PCDH9: variants seen among roughly 807,000 people sequenced by gnomAD.
The protein encoded by PCDH9 is protocadherin 9, also known as protocadherin-9.
In PCDH9, 24 loss-of-function variants were observed where a neutral mutation model predicts 70.6. That is an observed-to-expected ratio of 0.34 (90% confidence interval 0.25 to 0.48). The LOEUF (loss-of-function observed/expected upper bound fraction) is 0.48. PCDH9 is among the 20% of genes least tolerant of loss of function. The pLI, the probability that PCDH9 is intolerant of heterozygous loss-of-function variation, is 0.99. For missense variants in PCDH9, 1,281 were observed against 1,503.6 expected (o/e 0.85, Z 2.45); for synonymous variants, 562 against 558.5 (o/e 1.01, Z -0.09).
Position 66,302,911 on chromosome 13 carries a change from A to G in PCDH9, c.*1744T>C, listed in dbSNP as rs1955391224. Reference sequence around the variant, plus strand: ...AACTGGCAAAGCAGTAACAAGGATAATTGTTTAGATATTTATTCTGTCAAA... The same window carrying G: ...AACTGGCAAAGCAGTAACAAGGATAGTTGTTTAGATATTTATTCTGTCAAA... On this transcript the variant is annotated 3_prime_UTR_variant, in exon 5 of 5. Transcript: ENST00000377865. 1 of 152,470 alleles carries G rather than the reference A, an allele frequency of 6.6e-6. No homozygotes were observed. Among genetic ancestry groups the G allele is most frequent in the Non-Finnish European group, 1.5e-5 (1 of 67,978 alleles). 9.4% of individuals were successfully genotyped at this position (152,470 alleles called of 1,614,324 possible).
At chr13:66,427,532 T>C (rs976278079) in intron 4 of PCDH9, among the ~76,000 whole-genome samples, 4 of 151,798 alleles carry the variant, frequency 2.6e-5, no homozygotes, top group African/African-American at 9.7e-5. Flanking sequence ...GTCACAGTCA[T>C]AAATTGGAAG....
intron 2 of PCDH9, among the ~76,000 whole-genome samples, chr13:67,044,657 G>A (rs765475949): frequency 6.6e-6 from 1 of 152,124 alleles, no homozygotes; most frequent in Non-Finnish European, 1.5e-5. Flanking sequence ...TCTTCCAAAG[G>A]CTGCTGACTT....
intron 2 of PCDH9, among the ~76,000 whole-genome samples, chr13:67,044,343 AAAAAG>A (rs2085181563): frequency 6.6e-6 from 1 of 152,202 alleles, no homozygotes; most frequent in South Asian, 2.1e-4. Flanking sequence ...GTGAGGCTAG[AAAAAG>A]AAGAGACAAA....
chr13:66,952,924 CT>C (rs1167098248), intron 2 of PCDH9, among the ~76,000 whole-genome samples: 1 of 152,184 alleles, frequency 6.6e-6, no homozygotes, highest in Non-Finnish European at 1.5e-5. Flanking sequence ...CTTCCTTTGT[CT>C]CTTGGCTTCA....
At chr13:66,891,856 G>A (rs911682106) in intron 3 of PCDH9, among the ~76,000 whole-genome samples, 8 of 148,926 alleles carry the variant, frequency 5.4e-5, no homozygotes, top group African/African-American at 2.0e-4. Context: ...TTTGCTTTTT[G>A]TATCATCTTT....
chr13:66,721,387 G>A (rs2078939437), intron 3 of PCDH9, among the ~76,000 whole-genome samples: 1 of 152,172 alleles, frequency 6.6e-6, no homozygotes, highest in Non-Finnish European at 1.5e-5. Context: ...CAGTCTCTCT[G>A]AAGTCCTGCA....
chr13:66,909,528 G>C (rs1018536754), intron 2 of PCDH9, among the ~76,000 whole-genome samples: 1 of 152,104 alleles, frequency 6.6e-6, no homozygotes, highest in Non-Finnish European at 1.5e-5. Context: ...CCAGCACTTT[G>C]GGAGGCCCAG....
intron 2 of PCDH9, among the ~76,000 whole-genome samples, chr13:67,136,187 C>T (rs1182765677): frequency 2.0e-5 from 3 of 152,080 alleles, no homozygotes; most frequent in South Asian, 4.1e-4. Flanking sequence ...GCGTTATAAT[C>T]GCCCATAGAA....
At chr13:66,672,621 A>T (rs533173337) in intron 3 of PCDH9, among the ~76,000 whole-genome samples, 2 of 152,318 alleles carry the variant, frequency 1.3e-5, no homozygotes, top group South Asian at 4.1e-4. Flanking sequence ...GAAAAGCTGC[A>T]CACACTCAAC....
intron 4 of PCDH9, among the ~76,000 whole-genome samples, chr13:66,375,089 T>C (rs1593877672): frequency 6.6e-6 from 1 of 152,142 alleles, no homozygotes; most frequent in African/African-American, 2.4e-5. Context: ...AAATATCGAA[T>C]ATGCTACTAA....
chr13:67,037,716 C>G (rs260153), intron 2 of PCDH9, among the ~76,000 whole-genome samples: 110,768 of 152,008 alleles, frequency 0.73, 40,839 homozygotes, highest in Admixed American at 0.79. Flanking sequence ...TTTGAAAGTT[C>G]TTTTCTGGCA....
At chr13:66,775,106 A>G (rs2079869533) in intron 3 of PCDH9, among the ~76,000 whole-genome samples, 1 of 152,200 alleles carries the variant, frequency 6.6e-6, no homozygotes, top group Non-Finnish European at 1.5e-5. Flanking sequence ...AAGGATTATG[A>G]GCTAACACAG....
At chr13:66,911,656 CTTATATT>C (rs1357174028) in intron 2 of PCDH9, among the ~76,000 whole-genome samples, 2 of 152,138 alleles carry the variant, frequency 1.3e-5, no homozygotes, top group Non-Finnish European at 2.9e-5. Flanking sequence ...TGGTTCCCTC[CTTATATT>C]ATTACCTTAC....
intron 2 of PCDH9, among the ~76,000 whole-genome samples, chr13:67,018,616 C>CAAA (rs1555297704): frequency 5.2e-5 from 4 of 76,720 alleles, no homozygotes; most frequent in Non-Finnish European, 1.0e-4. Flanking sequence ...AGACTCGTCT[C>CAAA]AAAAAAAAAA....
chr13:66,367,951 A>G (rs1243405789), intron 4 of PCDH9, among the ~76,000 whole-genome samples: 2 of 152,132 alleles, frequency 1.3e-5, no homozygotes, highest in African/African-American at 2.4e-5. Flanking sequence ...ATCCTTAGAC[A>G]TTTTCTAGAA....
chr13:66,994,006 G>C (rs1435395113), intron 2 of PCDH9, among the ~76,000 whole-genome samples: 1 of 152,066 alleles, frequency 6.6e-6, no homozygotes, highest in Non-Finnish European at 1.5e-5. Context: ...AATAAAAAGT[G>C]AGAAAAAGAA....
chr13:66,485,061 TC>T (rs1958915614), intron 4 of PCDH9, among the ~76,000 whole-genome samples: 1 of 152,242 alleles, frequency 6.6e-6, no homozygotes, highest in East Asian at 1.9e-4. Flanking sequence ...ACTTTTTTAT[TC>T]CATTTTGCAA....
rs550496981 is a variant in PCDH9 at position 66,321,465 on chromosome 13, A to C, written c.3341-16437T>G. Among the ~76,000 whole-genome samples, 87 of 152,030 alleles carry C rather than the reference A, an allele frequency of 5.7e-4. 1 individual carries two copies. Among genetic ancestry groups the C allele is most frequent in the African/African-American group, 2.1e-3 (85 of 41,368 alleles). ...AGTGTGATGCCAACAGCAGATTTGA[A>C]CTGATATAAACTACATTTTTCGGTT... On this transcript the variant is annotated intron_variant, in intron 4 of 4. Transcript: ENST00000377865.
Position 66,728,262 on chromosome 13 carries a change from C to T in PCDH9, c.3139-96851G>A, listed in dbSNP as rs528630869. ...CCGCATTATTTTAAACTTAGGTTGT[C>T]AATCCCTCTAATAAACTTCCTTTGT... On this transcript the variant is annotated intron_variant, in intron 3 of 4. Coordinates refer to ENST00000377865, the MANE Select transcript of PCDH9 (RefSeq NM_203487.3). 1.8e-4 allele frequency among the ~76,000 whole-genome samples: 28 copies of T among 152,212 alleles called. No homozygotes were observed. The South Asian group carries it at 5.8e-3, about 32-fold the overall frequency.
Sources: gnomAD v4.1 joint callset for allele counts (sites outside exome capture counted in the v4.1 genomes callset) on GRCh38, gnomAD v4.1.1 for gene constraint, MANE v1.5 for transcripts, NCBI Gene and HGNC (gene_info 2026-07-23, HGNC 2026-07-21) for gene names.